PRICKLE1: variants seen among roughly 807,000 people sequenced by gnomAD.
The protein encoded by PRICKLE1 is prickle planar cell polarity protein 1.
PRICKLE1 carries 14 observed loss-of-function variants against 70.2 expected under a neutral mutation model. That is an observed-to-expected ratio of 0.20 (90% CI 0.13 to 0.31). The LOEUF (loss-of-function observed/expected upper bound fraction) is 0.31. PRICKLE1 is among the 10% of genes least tolerant of loss of function. PRICKLE1 has a pLI of 1.00. For missense variants in PRICKLE1, 821 were observed against 1,026.2 expected (o/e 0.80, Z 2.73); for synonymous variants, 357 against 379.9 (o/e 0.94, Z 0.70).
chr12:42,588,064 T>A (rs1331353950), intron 1 of PRICKLE1, among the ~76,000 whole-genome samples: 1 of 152,056 alleles, frequency 6.6e-6, no homozygotes, highest in Non-Finnish European at 1.5e-5. Context: ...GGCTGAACAC[T>A]GACACTTCAC....
At chr12:42,550,416 C>T (rs1002404697) in intron 1 of PRICKLE1, 6 of 152,096 alleles carry the variant, frequency 3.9e-5, no homozygotes, top group African/African-American at 1.2e-4. Context: ...TTGGTTAAAA[C>T]CAAGAAGTTT....
At chr12:42,540,970 G>A (rs1392332147) in intron 1 of PRICKLE1, among the ~76,000 whole-genome samples, 3 of 152,044 alleles carry the variant, frequency 2.0e-5, no homozygotes, top group Non-Finnish European at 4.4e-5. Context: ...CTATTTATGG[G>A]TAGAATAGAG....
Position 42,464,124 on chromosome 12 carries a change from G to A in PRICKLE1, c.1639+271C>T, listed in dbSNP as rs908770231. ...GCTCACTACAACCTCTGCCTCCTGG[G>A]TTCAAGCAATTCTCTTGCCTCAGCC... On this transcript the variant is annotated intron_variant, in intron 7 of 7. Transcript: ENST00000345127. The surrounding 1 kb of genome is among the most constrained non-coding windows in gnomAD (Gnocchi z 4.2). Among the ~76,000 whole-genome samples, 3 of 152,100 alleles carry A rather than the reference G, an allele frequency of 2.0e-5. No homozygotes were observed. The highest frequency in any genetic ancestry group is 1.9e-4 in the East Asian group (1 of 5,174).
intron 1 of PRICKLE1, among the ~76,000 whole-genome samples, chr12:42,525,855 T>G (rs958450698): frequency 6.6e-6 from 1 of 152,060 alleles, no homozygotes; most frequent in African/African-American, 2.4e-5. Flanking sequence ...TGATAATACA[T>G]ACAAAGCACC....
intron 5 of PRICKLE1, among the ~76,000 whole-genome samples, chr12:42,466,978 G>T (rs1283479633): frequency 1.3e-5 from 2 of 152,194 alleles, no homozygotes; most frequent in Non-Finnish European, 2.9e-5. Context: ...CTGGGCTTGA[G>T]CGATCCTCCC....
intron 1 of PRICKLE1, chr12:42,525,076 T>C (rs1939779119): frequency 6.7e-6 from 1 of 149,788 alleles, no homozygotes; most frequent in African/African-American, 2.6e-5. Flanking sequence ...ATCAGAGAGT[T>C]AGAACTTTGA....
At chr12:42,567,502 G>C (rs934033249) in intron 1 of PRICKLE1, among the ~76,000 whole-genome samples, 5 of 152,102 alleles carry the variant, frequency 3.3e-5, no homozygotes, top group Non-Finnish European at 5.9e-5. Flanking sequence ...TAGGAGCAAA[G>C]ATATCAATGT....
At position 42,468,770 on chromosome 12, in the gene PRICKLE1, A is replaced by G. The variant is rs1060504780; in HGVS notation, c.444T>C (p.Gly148=). The change falls in exon 5 of 8, where the codon GGT becomes GGC. Residue 148 remains glycine, a synonymous_variant. Transcript: ENST00000345127. ...CAAAACAGGATGGGTGCCAGCACAC[A>G]CCAGGGCCCGCACGGGAGGCGAACA... ...VAVFASRAGP[G]VCWHPSCFVC... The G allele has an allele frequency of 6.2e-7, 1 of 1,614,034 alleles. No individual in the cohort carries two copies. The highest frequency in any genetic ancestry group is 1.3e-5 in the African/African-American group (1 of 74,898).
rs550105333 is a variant in PRICKLE1 at position 42,520,383 on chromosome 12, T to A, written c.-48-47819A>T. Among the ~76,000 whole-genome samples the A allele has an allele frequency of 3.9e-5, 6 of 152,308 alleles. No homozygotes were observed. In the South Asian group the frequency reaches 1.2e-3, roughly 32 times the overall value. On this transcript the variant is annotated intron_variant, in intron 1 of 7. Coordinates refer to ENST00000345127, the MANE Select transcript of PRICKLE1 (RefSeq NM_153026.3). ...AGTGGACTTTGGAGGTAGACAGCCC[T>A]GAGACAGAATATGACTCTCCCATTT...
At chr12:42,507,597 T>C (rs775330961) in intron 1 of PRICKLE1, among the ~76,000 whole-genome samples, 21 of 152,238 alleles carry the variant, frequency 1.4e-4, no homozygotes, top group Non-Finnish European at 2.6e-4. Flanking sequence ...GAACTTTTTT[T>C]TGAGCTGTTA....
At chr12:42,505,387 C>T (rs759327987) in intron 1 of PRICKLE1, among the ~76,000 whole-genome samples, 8 of 152,188 alleles carry the variant, frequency 5.3e-5, no homozygotes, top group Non-Finnish European at 8.8e-5. Context: ...AAGGCAACAG[C>T]ACTTGCTATT....
intron 1 of PRICKLE1, among the ~76,000 whole-genome samples, chr12:42,555,981 C>T (rs773164140): frequency 1.2e-4 from 18 of 152,192 alleles, no homozygotes; most frequent in Non-Finnish European, 4.4e-5. Context: ...GAGGTTAGGT[C>T]TGTAACATTA....
At chr12:42,485,366 T>C (rs554195613) in intron 1 of PRICKLE1, 1 of 149,190 alleles carries the variant, frequency 6.7e-6, no homozygotes, top group South Asian at 2.2e-4. Flanking sequence ...GTAATTCAAA[T>C]AGACTCTTTA....
chr12:42,583,959 G>C (rs531297721), intron 1 of PRICKLE1, among the ~76,000 whole-genome samples: 24 of 152,098 alleles, frequency 1.6e-4, no homozygotes, highest in Non-Finnish European at 3.1e-4. Context: ...TCCAAGTCCT[G>C]AGAGTGTATA....
chr12:42,543,314 T>C (rs932776543), intron 1 of PRICKLE1, among the ~76,000 whole-genome samples: 2 of 152,024 alleles, frequency 1.3e-5, no homozygotes, highest in African/African-American at 4.8e-5. Flanking sequence ...ACTTGAACAA[T>C]GTAGGTGTTA....
At chr12:42,583,624 T>C (rs770831461) in intron 1 of PRICKLE1, among the ~76,000 whole-genome samples, 5 of 152,246 alleles carry the variant, frequency 3.3e-5, no homozygotes, top group Non-Finnish European at 7.3e-5. Flanking sequence ...TAGGCTAATT[T>C]CAGCTGTCTC....
In PRICKLE1 at chr12:42,516,407, C is replaced by A. The variant is rs1939613327; in HGVS notation, c.-48-43843G>T. ...TCGGCCTCCCAAAGTGCTGGTATTA[C>A]AGGCGTGAGCCACCGTGCCTGGCTT... On this transcript the variant is annotated intron_variant, in intron 1 of 7. Coordinates refer to ENST00000345127, the MANE Select transcript of PRICKLE1 (RefSeq NM_153026.3). Among the ~76,000 whole-genome samples the A allele has an allele frequency of 5.3e-5, 8 of 152,288 alleles. No individual in the cohort carries two copies. The South Asian group carries it at 1.7e-3, about 32-fold the overall frequency.
chr12:42,554,561 G>A (rs557791163), intron 1 of PRICKLE1, among the ~76,000 whole-genome samples: 21 of 152,102 alleles, frequency 1.4e-4, no homozygotes, highest in Admixed American at 1.2e-3. Flanking sequence ...TTTTAGACTC[G>A]TTTGCAGTTT....
At chr12:42,500,012 A>G (rs1939277932) in intron 1 of PRICKLE1, among the ~76,000 whole-genome samples, 1 of 152,038 alleles carries the variant, frequency 6.6e-6, no homozygotes, top group African/African-American at 2.4e-5. Context: ...TGGCCTCCCA[A>G]AGGGCTGGGA....
Sources: gnomAD v4.1 joint callset for allele counts (sites outside exome capture counted in the v4.1 genomes callset) on GRCh38, gnomAD v4.1.1 for gene constraint, Gnocchi (gnomAD v3.1) non-coding constraint, MANE v1.5 for transcripts, NCBI Gene and HGNC (gene_info 2026-07-23, HGNC 2026-07-21) for gene names.